The following TNIP3 variants were observed in gnomAD, a reference collection of about 807,000 sequenced individuals.
The protein encoded by TNIP3 is TNFAIP3-interacting protein 3.
TNIP3 carries 34 observed loss-of-function variants against 54.1 expected under a neutral mutation model. The ratio of observed to expected loss-of-function variants is 0.63; its 90% confidence interval spans 0.48 to 0.84. The LOEUF (loss-of-function observed/expected upper bound fraction) is 0.84, where lower values mean the gene tolerates loss of function less well. TNIP3 is among the 40% of genes least tolerant of loss of function. The pLI, the probability that TNIP3 is intolerant of heterozygous loss-of-function variation, is 0.00. For missense variants in TNIP3, 366 were observed against 387.6 expected (o/e 0.94, Z 0.47); for synonymous variants, 134 against 136.8 (o/e 0.98, Z 0.14).
chr4:121,176,860 G>A (rs1429623195), intron 3 of TNIP3, among the ~76,000 whole-genome samples: 1 of 152,126 alleles, frequency 6.6e-6, no homozygotes, highest in African/African-American at 2.4e-5. Flanking sequence ...TTTACCTTGG[G>A]AAGAGTGTCC....
At chr4:121,201,094 C>T (rs1377222513) in intron 2 of TNIP3, among the ~76,000 whole-genome samples, 1 of 152,140 alleles carries the variant, frequency 6.6e-6, no homozygotes, top group Non-Finnish European at 1.5e-5. Context: ...TATGAATGGA[C>T]TCTAAGCTAT....
chr4:121,203,507 T>C (rs182715087), intron 2 of TNIP3, among the ~76,000 whole-genome samples: 148 of 152,184 alleles, frequency 9.7e-4, no homozygotes, highest in African/African-American at 3.4e-3. Context: ...AGACTATACA[T>C]TGGGTAGTGT....
chr4:121,161,166 C>A lies in TNIP3; in HGVS notation c.117G>T (p.Lys39Asn). 6.3e-7 allele frequency: 1 copy of A among 1,587,198 alleles called. No individual in the cohort carries two copies. The stretch of plus-strand genomic sequence containing the variant: ...TTCTTTGTTTTTCCAAACACCTTAT[C>A]TTTTGTTCAAGAGAATTCATCAAGT... Reference protein sequence around the residue: ...RKNLMNSLEQKIRCLEKQRKE... With the variant: ...RKNLMNSLEQNIRCLEKQRKE... The change falls in exon 2 of 11, where the codon AAG (lysine) becomes AAT (asparagine). Residue 39 changes from lysine to asparagine, a missense_variant. Transcript: ENST00000057513.
Position 121,161,211 on chromosome 4 carries a change from A to G in TNIP3, c.72T>C (p.Ala24=), listed in dbSNP as rs192518342. 297 of 1,572,136 alleles carry G rather than the reference A, an allele frequency of 1.9e-4. 4 individuals are homozygous for G. The East Asian group carries it at 6.1e-3, about 32-fold the overall frequency. ...AESSTEHKEC[A]EPSTRKNLMN... is the part of the protein sequence containing the mutation. ...TCAAGTTCTTTCTTGTTGATGGTTC[A>G]GCACACTTAGAAAAAAAAAAAGAGA... The change falls in exon 2 of 11, where the codon GCT becomes GCC. Residue 24 remains alanine, a synonymous_variant. Transcript: ENST00000057513.
At chr4:121,209,151 G>A (rs544761226) in intron 2 of TNIP3, among the ~76,000 whole-genome samples, 3 of 152,344 alleles carry the variant, frequency 2.0e-5, no homozygotes, top group East Asian at 1.9e-4. Flanking sequence ...GGGCGAGGAC[G>A]CTGTGTGACA....
intron 9 of TNIP3, among the ~76,000 whole-genome samples, 172 bp from the exon 10 acceptor site, chr4:121,138,856 T>C (rs1297883635): frequency 2.0e-5 from 3 of 152,104 alleles, no homozygotes; most frequent in Non-Finnish European, 4.4e-5. Flanking sequence ...ACTGCCATCA[T>C]CTCTCCCTAC....
chr4:121,176,483 A>G (rs974971371), intron 3 of TNIP3, among the ~76,000 whole-genome samples: 1 of 151,834 alleles, frequency 6.6e-6, no homozygotes, highest in Non-Finnish European at 1.5e-5. Context: ...ATTAAAGAAA[A>G]TTTTGAGGCT....
Position 121,141,901 on chromosome 4 carries a change from G to T in TNIP3, c.800C>A (p.Pro267His), listed in dbSNP as rs1223646952. The part of the protein sequence containing the change: ...EKQLKQMYCP[P>H]CNCGLVFHLQ... ...GTGGAAAACCAAGCCGCAGTTACAG[G>T]GTGGGCAATACATCTGAGGAGAACA... Residue 267 changes from proline to histidine, a missense_variant, in exon 9 of 11, where the codon CCC becomes CAC. By Grantham distance (77) the Pro-to-His change is moderately conservative. Transcript: ENST00000057513. The T allele has an allele frequency of 2.5e-6, 4 of 1,597,960 alleles. No individual in the cohort carries two copies. The highest frequency in any genetic ancestry group is 1.1e-5 in the South Asian group (1 of 88,538).
Position 121,157,159 on chromosome 4 carries a change from C to T in TNIP3, c.298G>A (p.Asp100Asn). 1 of 1,517,114 alleles carries T rather than the reference C, an allele frequency of 6.6e-7. No homozygotes were observed. Among genetic ancestry groups the T allele is most frequent in the Non-Finnish European group, 8.9e-7 (1 of 1,124,126 alleles). 94.0% of individuals were successfully genotyped at this position (1,517,114 alleles called of 1,614,324 possible). ...CTGTCGTCCTCTCTCTGCCTGTCGT[C>T]CTTTCTCTGCCTCTGATGCGGATCC... is the stretch of plus-strand genomic sequence containing the variant. ...EKDPHQRQRKDDRQREDDRQR... is the reference protein window; with the variant it reads ...EKDPHQRQRKNDRQREDDRQR... The change falls in exon 4 of 11, where the codon GAC becomes AAC. Residue 100 changes from aspartate to asparagine, a missense_variant. Physicochemically the swap from Asp to Asn is conservative, Grantham distance 23 (BLOSUM62 1). Transcript: ENST00000057513.
rs1296705567 is a variant in TNIP3, at chr4:121,161,199, T to G, written c.84A>C (p.Thr28=). The change falls in exon 2 of 11, where the codon ACA becomes ACC. Residue 28 remains threonine (T), a synonymous_variant. Coordinates refer to ENST00000057513, the MANE Select transcript of TNIP3 (RefSeq NM_024873.6). ...TEHKECAEPS[T]RKNLMNSLEQ... ...CAAGAGAATTCATCAAGTTCTTTCTTGTTGATGGTTCAGCACACTTAGAAA... is the reference window on the plus strand; with the variant it reads ...CAAGAGAATTCATCAAGTTCTTTCTGGTTGATGGTTCAGCACACTTAGAAA... The G allele has an allele frequency of 6.3e-7, 1 of 1,584,920 alleles. No individual in the cohort carries two copies. The highest frequency in any genetic ancestry group is 8.6e-7 in the Non-Finnish European group (1 of 1,162,742).
rs1186954705 is a variant in TNIP3 at position 121,132,298 on chromosome 4, G to A, written c.*333C>T. The A allele has an allele frequency of 1.1e-5, 3 of 283,232 alleles. No homozygotes were observed. The Admixed American group carries it at 1.4e-4, about 14-fold the overall frequency. 17.5% of individuals were successfully genotyped at this position (283,232 alleles called of 1,614,324 possible). A position where few individuals can be genotyped will look rare whatever the true frequency, so the allele number is the denominator to read the frequency against. ...ACAATATCCCTGCAGCAAACACTGAGTTGCCTAAATCATAGAATCATTTTT... is the reference window on the plus strand; with the variant it reads ...ACAATATCCCTGCAGCAAACACTGAATTGCCTAAATCATAGAATCATTTTT... On this transcript the variant is annotated 3_prime_UTR_variant, in exon 11 of 11. Coordinates refer to ENST00000057513, the MANE Select transcript of TNIP3 (RefSeq NM_024873.6).
At chr4:121,227,415 C>A (rs1397507458) in exon 1 of TNIP3, 1 of 1,534,310 alleles carries the variant, frequency 6.5e-7, no homozygotes, top group Admixed American at 2.0e-5. Context: ...CTTCTCAGAT[C>A]TAGGTAAGCG....
intron 2 of TNIP3, among the ~76,000 whole-genome samples, chr4:121,201,353 T>C (rs1579484780): frequency 6.6e-6 from 1 of 152,106 alleles, no homozygotes; most frequent in South Asian, 2.1e-4. Flanking sequence ...GGGTCCAGAG[T>C]GGAACATCTT....
At chr4:121,187,795 T>G (rs1725100724) in intron 2 of TNIP3, among the ~76,000 whole-genome samples, 1 of 152,198 alleles carries the variant, frequency 6.6e-6, no homozygotes, top group Non-Finnish European at 1.5e-5. Flanking sequence ...ATGTGTGCTA[T>G]GTGTTTATCG....
At chr4:121,181,476 G>A (rs1443445682) in intron 3 of TNIP3, among the ~76,000 whole-genome samples, 1 of 152,148 alleles carries the variant, frequency 6.6e-6, no homozygotes, top group African/African-American at 2.4e-5. Flanking sequence ...CAAAAATAAA[G>A]ACAACCTGTT....
intron 1 of TNIP3, among the ~76,000 whole-genome samples, chr4:121,223,095 G>T (rs6842037): frequency 1.3e-5 from 2 of 152,104 alleles, no homozygotes; most frequent in East Asian, 3.9e-4. Flanking sequence ...GCAAGCCACC[G>T]CGCCCAGCCA....
intron 2 of TNIP3, among the ~76,000 whole-genome samples, chr4:121,186,987 C>A (rs1412267173): frequency 6.6e-6 from 1 of 152,126 alleles, no homozygotes; most frequent in African/African-American, 2.4e-5. Flanking sequence ...CAATATGTTT[C>A]ATAAATTTCG....
At chr4:121,169,584 G>A (rs758458598) in intron 3 of TNIP3, among the ~76,000 whole-genome samples, 18 of 152,148 alleles carry the variant, frequency 1.2e-4, no homozygotes, top group Non-Finnish European at 2.4e-4. Context: ...TTTAGTGCCT[G>A]TGCGTGTTCA....
chr4:121,136,126 T>C (rs1229321670), intron 10 of TNIP3, among the ~76,000 whole-genome samples: 1 of 152,242 alleles, frequency 6.6e-6, no homozygotes, highest in African/African-American at 2.4e-5. Context: ...GGGCTGTCCA[T>C]GCACAGGTTA....
Sources: allele counts gnomAD v4.1 joint callset (sites outside exome capture counted in the v4.1 genomes callset), GRCh38; gene constraint gnomAD v4.1.1; transcripts MANE v1.5; gene names NCBI Gene and HGNC (gene_info 2026-07-23, HGNC 2026-07-21).